Variants in CPM observed in about 807,000 individuals in gnomAD.
CPM encodes renal carboxypeptidase.
CPM carries 35 observed loss-of-function variants against 46.4 expected under a neutral mutation model. The observed-to-expected ratio is 0.75, with a 90% confidence interval of 0.58 to 1.00. CPM has a LOEUF of 1.00. CPM is among the 50% of genes least tolerant of loss of function. CPM has a pLI of 0.00. For synonymous variants in CPM, 195 were observed against 195.3 expected (o/e 1.00, Z 0.01); for missense variants, 422 against 530.4 (o/e 0.80, Z 2.01).
intron 2 of CPM, among the ~76,000 whole-genome samples, chr12:68,922,026 A>C (rs1465091082): frequency 6.6e-6 from 1 of 152,226 alleles, no homozygotes; most frequent in Non-Finnish European, 1.5e-5. Context: ...TGCCTAGGAT[A>C]CAAAGCTGAA....
At position 68,870,309 on chromosome 12, in the gene CPM, G is replaced by T. The variant is rs756023384; in HGVS notation, c.522C>A (p.Val174=). The T allele has an allele frequency of 1.2e-6, 2 of 1,614,094 alleles. No individual in the cohort carries two copies. The highest frequency in any genetic ancestry group is 2.7e-5 in the African/African-American group (2 of 74,928). The part of the protein sequence containing the change: ...NVSRQPETVA[V]MKWLKTETFV... ...ACGTCTCTGTTTTCAGCCACTTCAT[G>T]ACTGCCACAGTTTCAGGCTGCCTTG... Residue 174 remains valine (V), a synonymous_variant, in exon 5 of 9, where the codon GTC becomes GTA. Coordinates refer to ENST00000551568, the MANE Select transcript of CPM (RefSeq NM_198320.5).
Position 68,844,534 on chromosome 12 carries a change from A to G in CPM, c.534-2205T>C, listed in dbSNP as rs368225218. On this transcript the variant is annotated intron_variant, in intron 5 of 5. Coordinates refer to the CPM transcript ENST00000551897. ...GGGAGTTTGGGCTAGCCACCGTACC[A>G]CTTGTCAGCGTGAAAAGTAAGATTG... is the stretch of plus-strand genomic sequence containing the variant. 2.8e-4 allele frequency: 63 copies of G among 228,570 alleles called. 1 individual carries two copies. In the South Asian group the frequency reaches 0.011, roughly 40 times the overall value. 14.2% of individuals were successfully genotyped at this position (228,570 alleles called of 1,614,324 possible).
chr12:68,860,162 T>C (rs755311392), intron 7 of CPM, among the ~76,000 whole-genome samples: 19 of 152,238 alleles, frequency 1.2e-4, no homozygotes, highest in Admixed American at 2.6e-4. Flanking sequence ...GGTTGCCTTT[T>C]ATTATACTTT....
At chr12:68,897,564 C>T (rs974803024) in intron 2 of CPM, among the ~76,000 whole-genome samples, 5 of 151,914 alleles carry the variant, frequency 3.3e-5, no homozygotes, top group African/African-American at 9.7e-5. Context: ...GGGGAAACCT[C>T]GTCTCTACTA....
chr12:68,947,626 T>A (rs1334129488), intron 1 of CPM, among the ~76,000 whole-genome samples: 2 of 151,686 alleles, frequency 1.3e-5, no homozygotes, highest in African/African-American at 4.8e-5. Flanking sequence ...AAAGAATTTT[T>A]ATATAATGAC....
chr12:68,884,315 C>T (rs2136249894), intron 3 of CPM, among the ~76,000 whole-genome samples: 1 of 152,210 alleles, frequency 6.6e-6, no homozygotes, highest in Middle Eastern at 3.4e-3. Flanking sequence ...CACAGATGGG[C>T]TAAACTTGCA....
intron 3 of CPM, among the ~76,000 whole-genome samples, chr12:68,873,233 C>T (rs7960670): frequency 0.014 from 2,110 of 152,306 alleles, 54 homozygotes; most frequent in African/African-American, 0.049. Context: ...AATTTCCAGT[C>T]ATGATTTCAC....
intron 1 of CPM, among the ~76,000 whole-genome samples, chr12:68,947,434 TA>T (rs141376792): frequency 0.012 from 1,827 of 151,872 alleles, 36 homozygotes; most frequent in African/African-American, 0.042. Flanking sequence ...ATATCTCTAC[TA>T]AAAATATGAA....
chr12:68,897,271 G>GTTT (rs375358533), intron 2 of CPM, among the ~76,000 whole-genome samples: 1 of 136,754 alleles, frequency 7.3e-6, no homozygotes. Context: ...TCCCCTTTAG[G>GTTT]TTTTTTTTTT....
chr12:68,847,201 T>G (rs1355966201), downstream of CPM: 1 of 132,226 alleles, frequency 7.6e-6, no homozygotes, highest in Non-Finnish European at 1.6e-5. Flanking sequence ...GTACATTATA[T>G]ATATATATAT....
chr12:68,947,324 C>T (rs1047898399), intron 1 of CPM, among the ~76,000 whole-genome samples: 3 of 152,176 alleles, frequency 2.0e-5, no homozygotes, highest in Admixed American at 2.0e-4. Context: ...AGGCCGGGTG[C>T]AATGGCTCAT....
intron 2 of CPM, among the ~76,000 whole-genome samples, chr12:68,909,204 G>T (rs992966332): frequency 6.6e-6 from 1 of 152,100 alleles, no homozygotes; most frequent in African/African-American, 2.4e-5. Flanking sequence ...CATCATGCCT[G>T]GCTAGTTTTT....
intron 1 of CPM, among the ~76,000 whole-genome samples, chr12:68,950,126 G>A (rs1214198183): frequency 2.0e-5 from 3 of 152,112 alleles, no homozygotes; most frequent in Non-Finnish European, 4.4e-5. Flanking sequence ...TGGAGGCAGG[G>A]CTGGTTCCTC....
At chr12:68,878,751 C>T (rs1440842701) in intron 3 of CPM, among the ~76,000 whole-genome samples, 1 of 152,210 alleles carries the variant, frequency 6.6e-6, no homozygotes, top group Non-Finnish European at 1.5e-5. Context: ...GATAAATCTG[C>T]TCTATCTGGA....
chr12:68,935,800 A>C (rs982054474), upstream of CPM, among the ~76,000 whole-genome samples: 7 of 152,114 alleles, frequency 4.6e-5, no homozygotes, highest in Non-Finnish European at 8.8e-5. Flanking sequence ...TAGGAATGGG[A>C]AAGGGAACTG....
rs1039773140 is a variant in CPM at position 68,853,552 on chromosome 12, C to G, written c.*2885G>C. 1 of 152,148 alleles carries G rather than the reference C, an allele frequency of 6.6e-6. No homozygotes were observed. The allele number at this position is 152,148 out of a possible 1,614,324, so 9.4% of individuals were successfully genotyped here. A position where few individuals can be genotyped will look rare whatever the true frequency, so the allele number is the denominator to read the frequency against. On this transcript the variant is annotated 3_prime_UTR_variant, in exon 9 of 9. Transcript: ENST00000551568. ...AGAAATGGCCTAAATGCTCCTGTAGCTCTTCATTCCTTTGTCGTTCTCACT... is the reference window on the plus strand; with the variant it reads ...AGAAATGGCCTAAATGCTCCTGTAGGTCTTCATTCCTTTGTCGTTCTCACT...
Position 68,854,168 on chromosome 12 carries a change from C to T in CPM, c.*2269G>A, listed in dbSNP as rs9817. 0.13 allele frequency: 20,320 copies of T among 152,132 alleles called. 1,620 individuals are homozygous for T. Among genetic ancestry groups the T allele is most frequent in the Middle Eastern group, 0.25 (72 of 292 alleles). 9.4% of individuals were successfully genotyped at this position (152,132 alleles called of 1,614,324 possible). ...AGACATGAAAACACTCTTCTGTCAG[C>T]GTTCATAGTGAGCTGGGAGGTTGCC... On this transcript the variant is annotated 3_prime_UTR_variant, in exon 9 of 9. Coordinates refer to ENST00000551568, the MANE Select transcript of CPM (RefSeq NM_198320.5).
At chr12:68,927,704 C>A (rs562243464) in intron 2 of CPM, among the ~76,000 whole-genome samples, 12 of 152,062 alleles carry the variant, frequency 7.9e-5, no homozygotes, top group African/African-American at 2.7e-4. Flanking sequence ...TTAGGTCTAA[C>A]GTTTAAGTCT....
chr12:68,908,426 T>C (rs1452118125), intron 2 of CPM, among the ~76,000 whole-genome samples: 2 of 151,538 alleles, frequency 1.3e-5, no homozygotes, highest in Non-Finnish European at 2.9e-5. Flanking sequence ...TCACTTTCTC[T>C]TTTCTCTGGA....
Sources: allele counts gnomAD v4.1 joint callset (sites outside exome capture counted in the v4.1 genomes callset), GRCh38; gene constraint gnomAD v4.1.1; transcripts MANE v1.5; gene names NCBI Gene and HGNC (gene_info 2026-07-23, HGNC 2026-07-21).